The following CDKAL1 variants were observed in gnomAD, a reference collection of about 807,000 sequenced individuals.
CDKAL1 encodes threonylcarbamoyladenosine tRNA methylthiotransferase.
CDKAL1 carries 32 observed loss-of-function variants against 68.2 expected under a neutral mutation model. The observed-to-expected ratio is 0.47, with a 90% CI of 0.35 to 0.63. The LOEUF (loss-of-function observed/expected upper bound fraction) is 0.63, where lower values mean the gene tolerates loss of function less well. Ranked by LOEUF, CDKAL1 falls within the 30% of genes least tolerant of loss-of-function variation. The pLI, the probability that CDKAL1 is intolerant of heterozygous loss-of-function variation, is 0.00. For synonymous variants in CDKAL1, 234 were observed against 244.3 expected, an observed-to-expected ratio of 0.96 and a Z score of 0.39; for missense variants, 606 against 696.7, an observed-to-expected ratio of 0.87 and a Z score of 1.47.
chr6:20,976,747 G>A (rs965223172), intron 10 of CDKAL1, among the ~76,000 whole-genome samples: 4 of 152,094 alleles, frequency 2.6e-5, no homozygotes, highest in Non-Finnish European at 5.9e-5. Flanking sequence ...TCATGTAAAT[G>A]GATTCATACA....
rs1779990064 is a variant in CDKAL1 at position 21,231,971 on chromosome 6, T to C, written c.*932T>C. ...TCGAAAACTAATTGTGCCCATTTTC[T>C]CACATTTTTGATCCATTGGGGTTTT... is the stretch of plus-strand genomic sequence containing the variant. On this transcript the variant is annotated 3_prime_UTR_variant, in exon 16 of 16. Transcript: ENST00000274695. The C allele has an allele frequency of 6.6e-6, 1 of 150,498 alleles. No homozygotes were observed. The highest frequency in any genetic ancestry group is 1.5e-5 in the Non-Finnish European group (1 of 67,664). The allele number at this position is 150,498 out of a possible 1,614,324, so 9.3% of individuals were successfully genotyped here.
intron 5 of CDKAL1, among the ~76,000 whole-genome samples, chr6:20,722,134 G>C (rs1224632923): frequency 2.6e-5 from 4 of 152,042 alleles, no homozygotes; most frequent in African/African-American, 9.7e-5. Flanking sequence ...TGAAGGCAGG[G>C]GACTCAAATT....
At chr6:20,933,444 C>G (rs549944163) in intron 9 of CDKAL1, among the ~76,000 whole-genome samples, 4 of 152,288 alleles carry the variant, frequency 2.6e-5, no homozygotes, top group Admixed American at 2.0e-4. Context: ...AAAGGAGAGA[C>G]TCAAAATTAA....
chr6:21,010,759 T>C (rs967826607), intron 11 of CDKAL1, among the ~76,000 whole-genome samples: 1 of 152,108 alleles, frequency 6.6e-6, no homozygotes, highest in African/African-American at 2.4e-5. Context: ...TAACCAATAA[T>C]TTTTTTAAAA....
chr6:21,107,935 A>G lies in CDKAL1; in HGVS notation c.1237-466A>G, dbSNP rs9356763. 0.032 allele frequency among the ~76,000 whole-genome samples: 4,910 copies of G among 152,292 alleles called. 378 individuals carry two copies. The East Asian group carries it at 0.33, about 10-fold the overall frequency. On this transcript the variant is annotated intron_variant, in intron 12 of 15. Coordinates refer to ENST00000274695, the MANE Select transcript of CDKAL1 (RefSeq NM_017774.3). ...CAGTAAAGGTATCCTCATAGCTGCA[A>G]GCTCCAGCAGACAGACCCAAGCTGT...
At position 20,871,712 on chromosome 6, in the gene CDKAL1, C is replaced by T. The variant is rs1222803144; in HGVS notation, c.742+25534C>T. On this transcript the variant is annotated intron_variant, in intron 9 of 15. Transcript: ENST00000274695. Reference sequence around the variant, plus strand: ...ATCCTTCAAGGTTACCTCTCTCAGCCCCCTTCTAGAAGATTAACCATGTCT... The same window carrying T: ...ATCCTTCAAGGTTACCTCTCTCAGCTCCCTTCTAGAAGATTAACCATGTCT... Among the ~76,000 whole-genome samples, 9 of 152,080 alleles carry T rather than the reference C, an allele frequency of 5.9e-5. No individual in the cohort carries two copies. In the East Asian group the frequency reaches 1.7e-3, roughly 29 times the overall value.
intron 10 of CDKAL1, among the ~76,000 whole-genome samples, chr6:20,960,318 C>G (rs556253485): frequency 9.2e-5 from 14 of 152,102 alleles, no homozygotes; most frequent in Non-Finnish European, 2.1e-4. Flanking sequence ...GCCATGGGTT[C>G]GAAAGGTTAG....
intron 7 of CDKAL1, among the ~76,000 whole-genome samples, chr6:20,763,082 T>A (rs78254944): frequency 0.038 from 5,862 of 152,288 alleles, 170 homozygotes; most frequent in Non-Finnish European, 0.056. Context: ...TCCATCTTGA[T>A]CTGTGTCCTT....
chr6:20,568,233 C>G (rs1764542219), intron 4 of CDKAL1, among the ~76,000 whole-genome samples: 1 of 152,006 alleles, frequency 6.6e-6, no homozygotes, highest in Admixed American at 6.5e-5. Context: ...TGCCCAGGCT[C>G]TCCTCCAACT....
At chr6:20,550,744 C>T (rs980932090) in intron 4 of CDKAL1, among the ~76,000 whole-genome samples, 19 of 151,330 alleles carry the variant, frequency 1.3e-4, no homozygotes, top group Admixed American at 3.3e-4. Context: ...AACTATAATT[C>T]GAATGCTTTG....
At chr6:20,794,169 C>CAAA (rs750271799) in intron 8 of CDKAL1, among the ~76,000 whole-genome samples, 51 of 151,954 alleles carry the variant, frequency 3.4e-4, no homozygotes, top group Non-Finnish European at 5.6e-4. Flanking sequence ...TTTTCTGTAT[C>CAAA]TGCTTTTTCT....
At chr6:21,070,378 C>T (rs9356761) in intron 12 of CDKAL1, among the ~76,000 whole-genome samples, 65,057 of 143,580 alleles carry the variant, frequency 0.45, 14,977 homozygotes, top group East Asian at 0.86. Context: ...TTTGTTTGGG[C>T]TTTTTTCTTT....
intron 4 of CDKAL1, among the ~76,000 whole-genome samples, chr6:20,592,622 C>G (rs1765641347): frequency 6.6e-6 from 1 of 152,138 alleles, no homozygotes; most frequent in African/African-American, 2.4e-5. Flanking sequence ...GCATGTGCCA[C>G]CATGCCTGGC....
rs192306249 is a variant in CDKAL1 at position 20,821,834 on chromosome 6, A to G, written c.639-24241A>G. Among the ~76,000 whole-genome samples, 3 of 152,338 alleles carry G rather than the reference A, an allele frequency of 2.0e-5. No individual in the cohort carries two copies. The East Asian group carries it at 5.8e-4, about 29-fold the overall frequency. On this transcript the variant is annotated intron_variant, in intron 8 of 15. Coordinates refer to ENST00000274695, the MANE Select transcript of CDKAL1 (RefSeq NM_017774.3). ...CTTAACTTGGTACCTGACATAAAAT[A>G]CAACCTCAATAAACCATTAATATAT...
At chr6:20,890,583 T>C (rs1460137408) in intron 9 of CDKAL1, among the ~76,000 whole-genome samples, 1 of 152,240 alleles carries the variant, frequency 6.6e-6, no homozygotes, top group East Asian at 1.9e-4. Flanking sequence ...CAGAACCTTC[T>C]GGTGACATTC....
chr6:21,228,621 G>GTCATTCAT (rs1180874808), intron 15 of CDKAL1, among the ~76,000 whole-genome samples: 2 of 152,168 alleles, frequency 1.3e-5, no homozygotes. Context: ...CACTCGATCA[G>GTCATTCAT]TCATTCATTC....
intron 15 of CDKAL1, among the ~76,000 whole-genome samples, chr6:21,218,539 G>A (rs1271163630): frequency 6.6e-6 from 1 of 152,214 alleles, no homozygotes; most frequent in Non-Finnish European, 1.5e-5. Flanking sequence ...GCCCAACTGG[G>A]GAGGATCTGC....
intron 9 of CDKAL1, among the ~76,000 whole-genome samples, chr6:20,878,502 G>A (rs533284614): frequency 2.0e-4 from 30 of 152,200 alleles, no homozygotes; most frequent in African/African-American, 5.8e-4. Context: ...CACTTTGAGG[G>A]GCGGAGGCCG....
chr6:21,194,259 TGAGAACCATG>T (rs1778376937), intron 13 of CDKAL1, among the ~76,000 whole-genome samples: 1 of 152,254 alleles, frequency 6.6e-6, no homozygotes, highest in Non-Finnish European at 1.5e-5. Context: ...ACACATTTTA[TGAGAACCATG>T]GTTTTCAACC....
Sources: gnomAD v4.1 joint callset for allele counts (sites outside exome capture counted in the v4.1 genomes callset) on GRCh38, gnomAD v4.1.1 for gene constraint, MANE v1.5 for transcripts, NCBI Gene and HGNC (gene_info 2026-07-23, HGNC 2026-07-21) for gene names.